CADM1: variants seen among roughly 807,000 people sequenced by gnomAD.
CADM1 encodes the protein TSLC-1.
In CADM1, 15 loss-of-function variants were observed where a neutral mutation model predicts 53.1. The observed-to-expected ratio is 0.28, with a 90% CI of 0.19 to 0.44. The LOEUF is 0.44. Among genes scored for constraint, CADM1 ranks in the 20% least tolerant of loss-of-function variants. The probability of loss-of-function intolerance (pLI) is 1.00; values close to 1 mark genes in which losing one functional copy is unlikely to be tolerated. For missense variants in CADM1, 434 were observed against 611.3 expected (o/e 0.71, Z 3.06); for synonymous variants, 281 against 243.0 (o/e 1.16, Z -1.45).
chr11:115,346,911 T>C (rs907596519), intron 1 of CADM1, among the ~76,000 whole-genome samples: 7 of 152,070 alleles, frequency 4.6e-5, no homozygotes, highest in Middle Eastern at 3.2e-3. Context: ...ATAGCCGTAT[T>C]TAACAAAGAA....
chr11:115,179,224 G>A (rs557131831), intron 10 of CADM1: 1 of 218,074 alleles, frequency 4.6e-6, no homozygotes, highest in Non-Finnish European at 9.5e-6. Flanking sequence ...GTAGATTAGG[G>A]ATATGCATAG....
At chr11:115,260,720 T>G (rs1453061410) in intron 1 of CADM1, among the ~76,000 whole-genome samples, 1 of 152,182 alleles carries the variant, frequency 6.6e-6, no homozygotes, top group African/African-American at 2.4e-5. Flanking sequence ...TTGCCCAGGC[T>G]GGAGTGCAGT....
At chr11:115,492,140 A>G (rs1949510714) in intron 1 of CADM1, among the ~76,000 whole-genome samples, 1 of 152,196 alleles carries the variant, frequency 6.6e-6, no homozygotes, top group Admixed American at 6.5e-5. Context: ...CTTCTAAAGT[A>G]AAATACAGCC....
intron 1 of CADM1, among the ~76,000 whole-genome samples, chr11:115,475,116 T>A (rs766182358): frequency 6.6e-6 from 1 of 152,192 alleles, no homozygotes; most frequent in Non-Finnish European, 1.5e-5. Flanking sequence ...GAGTCGCTTA[T>A]ATAAAATGGT....
chr11:115,205,684 AG>A (rs1443587393), intron 8 of CADM1, among the ~76,000 whole-genome samples: 4 of 152,230 alleles, frequency 2.6e-5, no homozygotes, highest in Admixed American at 2.6e-4. Flanking sequence ...AATAAAAAAA[AG>A]GAACAGGGGC....
chr11:115,237,707 C>T (rs1942059730), intron 3 of CADM1, among the ~76,000 whole-genome samples: 1 of 152,140 alleles, frequency 6.6e-6, no homozygotes, highest in Admixed American at 6.6e-5. Context: ...GAATCCAAAT[C>T]AGCTGGTGTT....
intron 1 of CADM1, among the ~76,000 whole-genome samples, chr11:115,392,066 T>G (rs936320363): frequency 1.3e-5 from 2 of 152,194 alleles, no homozygotes; most frequent in Non-Finnish European, 2.9e-5. Context: ...TGTCATATTC[T>G]CATTACAGCC....
intron 1 of CADM1, among the ~76,000 whole-genome samples, chr11:115,326,449 CCTT>C (rs1161589134): frequency 6.6e-6 from 1 of 152,096 alleles, no homozygotes; most frequent in Non-Finnish European, 1.5e-5. Context: ...AGTACAATGT[CCTT>C]CTTGTTATGG....
At chr11:115,409,169 A>T (rs1418188752) in intron 1 of CADM1, among the ~76,000 whole-genome samples, 4 of 152,230 alleles carry the variant, frequency 2.6e-5, no homozygotes, top group African/African-American at 9.6e-5. Flanking sequence ...AAAGAGGCTT[A>T]AATGGAAAAT....
intron 1 of CADM1, among the ~76,000 whole-genome samples, chr11:115,484,490 A>T (rs906011080): frequency 1.1e-4 from 16 of 152,210 alleles, no homozygotes; most frequent in African/African-American, 2.7e-4. Flanking sequence ...ATACAAGGAT[A>T]GTCGTGAGGT....
intron 1 of CADM1, among the ~76,000 whole-genome samples, chr11:115,312,283 C>G (rs1565358798): frequency 6.6e-6 from 1 of 152,040 alleles, no homozygotes; most frequent in Non-Finnish European, 1.5e-5. Context: ...TTTAACATGC[C>G]CTAGACATTA....
At chr11:115,271,764 T>A (rs1943305137) in intron 1 of CADM1, among the ~76,000 whole-genome samples, 1 of 152,204 alleles carries the variant, frequency 6.6e-6, no homozygotes, top group African/African-American at 2.4e-5. Context: ...TTTCAGAAGT[T>A]TCACTGGTAC....
intron 1 of CADM1, among the ~76,000 whole-genome samples, chr11:115,404,844 G>GA (rs774430187): frequency 0.062 from 3,217 of 52,184 alleles, 127 homozygotes; most frequent in African/African-American, 0.14. Flanking sequence ...CCTGCCTCAG[G>GA]AAAAAAAAAA....
chr11:115,169,717 T>C lies in CADM1; in HGVS notation c.*6757A>G, dbSNP rs1307239692. The C allele has an allele frequency of 4.6e-6, 2 of 438,338 alleles. No homozygotes were observed. The highest frequency in any genetic ancestry group is 5.0e-5 in the Admixed American group (2 of 39,972). The allele number at this position is 438,338 out of a possible 1,614,324, so 27.2% of individuals were successfully genotyped here. On this transcript the variant is annotated 3_prime_UTR_variant, in exon 12 of 12. Coordinates refer to ENST00000331581, the MANE Select transcript of CADM1 (RefSeq NM_001301043.2). ...GACTGATTAGTGCAGAAGATTCCCT[T>C]CCATAGCAATACTTTTTAATCAGGT...
intron 1 of CADM1, among the ~76,000 whole-genome samples, chr11:115,255,526 A>G (rs952098268): frequency 2.0e-5 from 3 of 152,200 alleles, no homozygotes; most frequent in African/African-American, 7.2e-5. Flanking sequence ...GGCCTGGAGT[A>G]TATTAATTCC....
chr11:115,455,021 T>C (rs1306526986), intron 1 of CADM1, among the ~76,000 whole-genome samples: 1 of 152,160 alleles, frequency 6.6e-6, no homozygotes, highest in Non-Finnish European at 1.5e-5. Flanking sequence ...CTTCCTTCAA[T>C]CCATAATGAT....
rs143066365 is a variant in CADM1 at position 115,387,143 on chromosome 11, A to T, written c.124+117128T>A. On this transcript the variant is annotated intron_variant, in intron 1 of 11. Transcript: ENST00000331581. ...AAAGCTAAGGCTGGTCACAAGAATC[A>T]AGGGTTGCTTTTCTTCTCTTTGAAT... Among the ~76,000 whole-genome samples, 691 of 152,310 alleles carry T rather than the reference A, an allele frequency of 4.5e-3. 13 individuals carry two copies. Among genetic ancestry groups the T allele is most frequent in the South Asian group, 0.01 (49 of 4,830 alleles).
chr11:115,305,120 C>A lies in CADM1; in HGVS notation c.125-64700G>T, dbSNP rs560215627. Among the ~76,000 whole-genome samples the A allele has an allele frequency of 1.9e-3, 181 of 96,502 alleles. 1 individual carries two copies. Among genetic ancestry groups the A allele is most frequent in the African/African-American group, 0.011 (174 of 16,448 alleles). 63.3% of individuals were successfully genotyped at this position (96,502 alleles called of 152,430 possible). The stretch of plus-strand genomic sequence containing the variant: ...TCACTCAACTAAGTGGGGAAACCAA[C>A]TTCTGAGAGATAACACCGAAATCCA... On this transcript the variant is annotated intron_variant, in intron 1 of 11. Transcript: ENST00000331581.
intron 1 of CADM1, among the ~76,000 whole-genome samples, chr11:115,340,654 A>ATTTT (rs1370287141): frequency 1.9e-4 from 10 of 52,632 alleles, no homozygotes; most frequent in African/African-American, 2.6e-4. Context: ...ATATATATAT[A>ATTTT]TATATTTTTT....
Sources: allele counts gnomAD v4.1 joint callset (sites outside exome capture counted in the v4.1 genomes callset), GRCh38; gene constraint gnomAD v4.1.1; transcripts MANE v1.5; gene names NCBI Gene and HGNC (gene_info 2026-07-23, HGNC 2026-07-21).